The following ACBD6 variants were observed in gnomAD, a reference collection of about 807,000 sequenced individuals.
ACBD6 encodes acyl-CoA-binding domain-containing protein 6.
A neutral mutation model predicts 37.2 loss-of-function variants in ACBD6; 28 were observed. The observed-to-expected ratio is 0.75, with a 90% CI of 0.56 to 1.03. The LOEUF (loss-of-function observed/expected upper bound fraction) is 1.03. Among genes scored for constraint, ACBD6 ranks in the 50% least tolerant of loss-of-function variants. The probability of loss-of-function intolerance (pLI) is 0.00; values close to 1 mark genes in which losing one functional copy is unlikely to be tolerated. For synonymous variants in ACBD6, 113 were observed against 126.8 expected (o/e 0.89, Z 0.73); for missense variants, 340 against 337.4 (o/e 1.01, Z -0.06).
chr1:180,452,145 A>G (rs1028635180), intron 3 of ACBD6, among the ~76,000 whole-genome samples: 1 of 152,188 alleles, frequency 6.6e-6, no homozygotes, highest in African/African-American at 2.4e-5. Flanking sequence ...CCACAGGAGA[A>G]AGCGGGTAAG....
intron 3 of ACBD6, among the ~76,000 whole-genome samples, chr1:180,460,803 C>T (rs1650115986): frequency 1.3e-5 from 2 of 152,202 alleles, no homozygotes; most frequent in South Asian, 4.1e-4. Context: ...AGAATTAGCA[C>T]AAAAACACAG....
intron 4 of ACBD6, among the ~76,000 whole-genome samples, chr1:180,424,616 T>C (rs1018213858): frequency 1.3e-5 from 2 of 152,152 alleles, no homozygotes; most frequent in African/African-American, 4.8e-5. Context: ...TATATCTTTA[T>C]ATATGCACAC....
chr1:180,323,358 C>T (rs78355090), intron 6 of ACBD6, among the ~76,000 whole-genome samples: 10,718 of 151,880 alleles, frequency 0.071, 411 homozygotes, highest in African/African-American at 0.11. Context: ...ATTTATGTGC[C>T]GAGAAGAATG....
chr1:180,405,437 T>C (rs1469677190), intron 5 of ACBD6, among the ~76,000 whole-genome samples: 1 of 152,122 alleles, frequency 6.6e-6, no homozygotes, highest in Non-Finnish European at 1.5e-5. Flanking sequence ...GGAAAGAATG[T>C]AACTAAAGAA....
chr1:180,296,643 C>T (rs1649929869), intron 7 of ACBD6, among the ~76,000 whole-genome samples: 1 of 151,912 alleles, frequency 6.6e-6, no homozygotes, highest in Non-Finnish European at 1.5e-5. Context: ...GTTGGCCAGG[C>T]TGGTCTCGAA....
intron 6 of ACBD6, among the ~76,000 whole-genome samples, chr1:180,377,612 A>T (rs114247243): frequency 6.6e-6 from 1 of 152,168 alleles, no homozygotes; most frequent in Non-Finnish European, 1.5e-5. Context: ...AAATACCACA[A>T]TAACAACTGT....
intron 1 of ACBD6, among the ~76,000 whole-genome samples, chr1:180,501,806 C>T (rs1651988974): frequency 6.6e-6 from 1 of 151,014 alleles, no homozygotes; most frequent in Non-Finnish European, 1.5e-5. Flanking sequence ...GAGAAAAAAA[C>T]ACAAAAACAA....
chr1:180,354,010 G>A (rs1558263203), intron 6 of ACBD6, among the ~76,000 whole-genome samples: 1 of 152,132 alleles, frequency 6.6e-6, no homozygotes, highest in Non-Finnish European at 1.5e-5. Flanking sequence ...GCAGATACCT[G>A]GTTATTTAAG....
At chr1:180,275,597 T>C (rs889059857) in intron 9 of ACBD6, 9 of 152,222 alleles carry the variant, frequency 5.9e-5, no homozygotes, top group African/African-American at 2.2e-4. Context: ...CTTGCAAGTC[T>C]ACCCCTCTGA....
At chr1:180,319,831 G>A (rs190340671) in intron 6 of ACBD6, among the ~76,000 whole-genome samples, 3 of 152,256 alleles carry the variant, frequency 2.0e-5, no homozygotes, top group Non-Finnish European at 4.4e-5. Context: ...CAAATGACAA[G>A]ATCTCATTCT....
intron 3 of ACBD6, among the ~76,000 whole-genome samples, chr1:180,468,893 GAAA>G (rs1650452786): frequency 6.6e-6 from 1 of 152,256 alleles, no homozygotes; most frequent in East Asian, 1.9e-4. Context: ...TGACATTTAA[GAAA>G]AATTTGCAAT....
chr1:180,427,949 A>AC (rs1365110316), intron 4 of ACBD6, among the ~76,000 whole-genome samples: 1 of 151,818 alleles, frequency 6.6e-6, no homozygotes, highest in African/African-American at 2.4e-5. Context: ...AAACCAAAAA[A>AC]CAACGAATTT....
chr1:180,467,267 G>A (rs907181987), intron 3 of ACBD6, among the ~76,000 whole-genome samples: 2 of 151,230 alleles, frequency 1.3e-5, no homozygotes, highest in African/African-American at 2.4e-5. Flanking sequence ...TTTTTCCATC[G>A]TTTTATTGAT....
chr1:180,320,457 G>A (rs111801438), intron 6 of ACBD6, among the ~76,000 whole-genome samples: 6,608 of 151,804 alleles, frequency 0.044, 456 homozygotes, highest in African/African-American at 0.14. Flanking sequence ...CCAACATGGC[G>A]AAACCCCATC....
intron 7 of ACBD6, among the ~76,000 whole-genome samples, chr1:180,305,034 A>G (rs1451248671): frequency 6.6e-6 from 1 of 152,212 alleles, no homozygotes; most frequent in Non-Finnish European, 1.5e-5. Flanking sequence ...TGGTGCTGGG[A>G]AAACTGGCTA....
chr1:180,447,311 TATGAG>T (rs1436794291), intron 3 of ACBD6, among the ~76,000 whole-genome samples: 1 of 151,912 alleles, frequency 6.6e-6, no homozygotes, highest in African/African-American at 2.4e-5. Context: ...ACCACAGAAA[TATGAG>T]ATAATTTTTA....
intron 4 of ACBD6, among the ~76,000 whole-genome samples, chr1:180,418,312 TCA>T (rs1454951089): frequency 1.3e-5 from 2 of 152,164 alleles, no homozygotes; most frequent in African/African-American, 4.8e-5. Flanking sequence ...GTGTGGTGGC[TCA>T]CACCTATAAT....
intron 3 of ACBD6, among the ~76,000 whole-genome samples, chr1:180,444,286 C>CAAAAAAAAAAAAAAAAAAA (rs71719682): frequency 2.8e-4 from 32 of 114,724 alleles, no homozygotes; most frequent in African/African-American, 9.5e-4. Flanking sequence ...TCCGTCTCTC[C>CAAAAAAAAAAAAAAAAAAA]AAAAAAAAAA....
At chr1:180,381,403 T>C (rs928205815) in intron 6 of ACBD6, among the ~76,000 whole-genome samples, 2 of 152,180 alleles carry the variant, frequency 1.3e-5, no homozygotes, top group Non-Finnish European at 2.9e-5. Context: ...GTCCAACAGC[T>C]ACAAAATACA....
Sources: allele counts gnomAD v4.1 joint callset (sites outside exome capture counted in the v4.1 genomes callset), GRCh38; gene constraint gnomAD v4.1.1; transcripts MANE v1.5; gene names NCBI Gene and HGNC (gene_info 2026-07-23, HGNC 2026-07-21).